The following NEK1 variants were observed in gnomAD, a reference collection of about 807,000 sequenced individuals.
The protein encoded by NEK1 is NIMA related kinase 1, also known as serine/threonine-protein kinase Nek1.
A neutral mutation model predicts 182.1 loss-of-function variants in NEK1; 137 were observed. That is an observed-to-expected ratio of 0.75 (90% CI 0.65 to 0.87). The LOEUF (loss-of-function observed/expected upper bound fraction) is 0.87, where lower values mean the gene tolerates loss of function less well. Among genes scored for constraint, NEK1 ranks in the 40% least tolerant of loss-of-function variants. The probability of loss-of-function intolerance (pLI) is 0.00; values close to 1 mark genes in which losing one functional copy is unlikely to be tolerated. For synonymous variants in NEK1, 513 were observed against 492.2 expected (o/e 1.04, Z -0.56); for missense variants, 1,391 against 1,494.4 (o/e 0.93, Z 1.14).
In NEK1 at chr4:169,487,736, C is replaced by T. The variant is rs558882796; in HGVS notation, c.2008-8202G>A. On this transcript the variant is annotated intron_variant, in intron 23 of 35. Transcript: ENST00000507142. ...TGCTTCTAGATCTTTGAGGAATCCCCACACTGTCTTCCAAAATGGCTAAAC... is the reference window on the plus strand; with the variant it reads ...TGCTTCTAGATCTTTGAGGAATCCCTACACTGTCTTCCAAAATGGCTAAAC... 4.6e-5 allele frequency among the ~76,000 whole-genome samples: 7 copies of T among 152,310 alleles called. No homozygotes were observed. The East Asian group carries it at 1.4e-3, about 29-fold the overall frequency.
intron 12 of NEK1, 75 bp from the exon 13 acceptor site, chr4:169,562,271 T>C: frequency 2.9e-6 from 3 of 1,023,242 alleles, no homozygotes; most frequent in Non-Finnish European, 4.3e-6. Flanking sequence ...TTTACAGAAA[T>C]TTAAGATAAG....
intron 27 of NEK1, among the ~76,000 whole-genome samples, chr4:169,445,472 A>G (rs1475294403): frequency 6.6e-6 from 1 of 152,174 alleles, no homozygotes; most frequent in Non-Finnish European, 1.5e-5. Context: ...GATGTATTTC[A>G]AGGAACTAGA....
chr4:169,579,997 A>T (rs1215309639), intron 11 of NEK1, among the ~76,000 whole-genome samples: 1 of 152,190 alleles, frequency 6.6e-6, no homozygotes, highest in Non-Finnish European at 1.5e-5. Context: ...ATCCATTCTG[A>T]AATCATTCTA....
chr4:169,529,580 C>T (rs867223791), intron 19 of NEK1, among the ~76,000 whole-genome samples: 1 of 152,100 alleles, frequency 6.6e-6, no homozygotes, highest in Non-Finnish European at 1.5e-5. Flanking sequence ...ACAAACTGGA[C>T]TTCATCAAAG....
intron 23 of NEK1, among the ~76,000 whole-genome samples, chr4:169,498,629 G>T (rs914436464): frequency 1.1e-4 from 16 of 152,116 alleles, no homozygotes; most frequent in African/African-American, 3.6e-4. Context: ...GCATTTGCTT[G>T]TCTGTAAAGT....
chr4:169,452,221 C>T (rs1020479621), intron 27 of NEK1, among the ~76,000 whole-genome samples: 11 of 152,184 alleles, frequency 7.2e-5, no homozygotes, highest in African/African-American at 2.4e-4. Flanking sequence ...GGATTCACAG[C>T]TGAATTCTAC....
intron 32 of NEK1, among the ~76,000 whole-genome samples, chr4:169,404,461 T>A (rs545409552): frequency 3.3e-5 from 5 of 152,152 alleles, no homozygotes; most frequent in Non-Finnish European, 7.4e-5. Flanking sequence ...GCGGCATCGA[T>A]CCTACGTAAC....
chr4:169,607,469 T>C (rs1481559088), intron 2 of NEK1, among the ~76,000 whole-genome samples: 1 of 152,140 alleles, frequency 6.6e-6, no homozygotes, highest in African/African-American at 2.4e-5. Flanking sequence ...TTTTAATTTT[T>C]AATTTTTTTT....
intron 23 of NEK1, among the ~76,000 whole-genome samples, chr4:169,483,560 G>C (rs1354923764): frequency 6.6e-6 from 1 of 152,122 alleles, no homozygotes; most frequent in East Asian, 1.9e-4. Context: ...AAAGTATACT[G>C]ATATTTAAGA....
intron 31 of NEK1, among the ~76,000 whole-genome samples, chr4:169,416,485 A>G (rs1299759293): frequency 6.6e-6 from 1 of 152,256 alleles, no homozygotes; most frequent in Admixed American, 6.5e-5. Context: ...AACTGACAGC[A>G]TAAAGATATA....
intron 2 of NEK1, among the ~76,000 whole-genome samples, chr4:169,610,540 T>C (rs1008790795): frequency 1.3e-5 from 2 of 152,126 alleles, no homozygotes; most frequent in African/African-American, 4.8e-5. Flanking sequence ...CTCAACCTCC[T>C]GACCTCAAGT....
intron 27 of NEK1, among the ~76,000 whole-genome samples, chr4:169,442,386 A>G (rs560021825): frequency 6.6e-6 from 1 of 152,338 alleles, no homozygotes; most frequent in South Asian, 2.1e-4. Context: ...CTGCCCACCC[A>G]GAATCAAAGC....
At chr4:169,465,594 C>G (rs2149509767) in intron 26 of NEK1, among the ~76,000 whole-genome samples, 1 of 152,152 alleles carries the variant, frequency 6.6e-6, no homozygotes, top group Non-Finnish European at 1.5e-5. Context: ...AAAGACCACT[C>G]AAAAGAAGCA....
intron 11 of NEK1, among the ~76,000 whole-genome samples, chr4:169,579,464 T>C (rs1580922088): frequency 6.6e-6 from 1 of 152,076 alleles, no homozygotes; most frequent in East Asian, 1.9e-4. Flanking sequence ...CAGGGATTGG[T>C]GGTCTCTGCA....
intron 4 of NEK1, among the ~76,000 whole-genome samples, chr4:169,600,745 T>C (rs776888679): frequency 5.9e-5 from 9 of 152,202 alleles, no homozygotes; most frequent in Non-Finnish European, 1.2e-4. Context: ...ATAGATGTTA[T>C]AATGTATGTA....
chr4:169,586,869 T>A (rs1239932431), intron 9 of NEK1, among the ~76,000 whole-genome samples: 3 of 151,912 alleles, frequency 2.0e-5, no homozygotes, highest in African/African-American at 4.8e-5. Flanking sequence ...GAAAAAAAAA[T>A]TTCATTTTAC....
chr4:169,441,928 C>T (rs558496758), intron 27 of NEK1, among the ~76,000 whole-genome samples: 1 of 151,930 alleles, frequency 6.6e-6, no homozygotes, highest in African/African-American at 2.4e-5. Flanking sequence ...TCCGCCACCA[C>T]AGACACCCAA....
chr4:169,468,939 G>A (rs1440395264), intron 26 of NEK1, among the ~76,000 whole-genome samples: 1 of 152,160 alleles, frequency 6.6e-6, no homozygotes, highest in Non-Finnish European at 1.5e-5. Context: ...ATGGTAGTCT[G>A]TATTTCTGTG....
chr4:169,418,622 G>A (rs533765947), intron 31 of NEK1, among the ~76,000 whole-genome samples: 2 of 151,932 alleles, frequency 1.3e-5, no homozygotes, highest in African/African-American at 2.4e-5. Flanking sequence ...TCACTGAGTG[G>A]GATTAATAGT....
Sources: allele counts gnomAD v4.1 joint callset (sites outside exome capture counted in the v4.1 genomes callset), GRCh38; gene constraint gnomAD v4.1.1; transcripts MANE v1.5; gene names NCBI Gene and HGNC (gene_info 2026-07-23, HGNC 2026-07-21).